Variants in ARAP2 observed in about 807,000 individuals in gnomAD.
ARAP2 encodes arf-GAP with Rho-GAP domain, ANK repeat and PH domain-containing protein 2.
A neutral mutation model predicts 194.5 loss-of-function variants in ARAP2; 148 were observed. The observed-to-expected ratio is 0.76, with a 90% CI of 0.67 to 0.87. The LOEUF (loss-of-function observed/expected upper bound fraction) is 0.87, where lower values mean the gene tolerates loss of function less well. Among genes scored for constraint, ARAP2 ranks in the 40% least tolerant of loss-of-function variants. The probability of loss-of-function intolerance (pLI) is 0.00; values close to 1 mark genes in which losing one functional copy is unlikely to be tolerated. For synonymous variants in ARAP2, 695 were observed against 683.5 expected (o/e 1.02, Z -0.26); for missense variants, 2,128 against 1,989.7 (o/e 1.07, Z -1.32).
chr4:36,089,876 T>A (rs1419424230), intron 28 of ARAP2, among the ~76,000 whole-genome samples: 1 of 152,084 alleles, frequency 6.6e-6, no homozygotes, highest in Non-Finnish European at 1.5e-5. Context: ...AATCTGGGAC[T>A]ATTAGTACAC....
chr4:36,133,527 T>G, intron 19 of ARAP2, 138 bp from the exon 20 acceptor site: 1 of 732,268 alleles, frequency 1.4e-6, no homozygotes, highest in Non-Finnish European at 2.2e-6. Context: ...GAGCTTCCAC[T>G]CAATCCCTCT....
chr4:36,228,775 C>A lies in ARAP2; in HGVS notation c.712G>T (p.Glu238Ter). 2 of 1,614,108 alleles carry A rather than the reference C, an allele frequency of 1.2e-6. No individual in the cohort carries two copies. Among genetic ancestry groups the A allele is most frequent in the Non-Finnish European group, 1.7e-6 (2 of 1,180,012 alleles). The change falls in exon 2 of 33, where the codon GAA becomes TAA. Residue 238 changes from glutamate to a stop codon, truncating the protein, a stop_gained. Transcript: ENST00000303965. LOFTEE classifies it high-confidence loss of function. ...NSGNGTNGLL[E>*]GSPPSPFFKF... ...AAGAATGGGGATGGTGGTGATCCTT[C>A]TAATAAACCATTTGTTCCATTTCCA...
chr4:36,187,601 T>C, intron 7 of ARAP2, 30 bp from the exon 8 acceptor site: 1 of 1,513,660 alleles, frequency 6.6e-7, no homozygotes, highest in South Asian at 1.4e-5. Context: ...AGAGAAGACA[T>C]ATGAAAACGA....
At chr4:36,100,604 G>A (rs897122839) in intron 27 of ARAP2, among the ~76,000 whole-genome samples, 10 of 151,872 alleles carry the variant, frequency 6.6e-5, no homozygotes, top group African/African-American at 2.2e-4. Flanking sequence ...TTGTATAGAT[G>A]TATTTTTTTT....
chr4:36,130,026 A>G (rs946282508), intron 20 of ARAP2, among the ~76,000 whole-genome samples: 4 of 151,850 alleles, frequency 2.6e-5, no homozygotes, highest in African/African-American at 9.7e-5. Context: ...TTCTTTCTCA[A>G]TCAGCACATT....
chr4:36,098,094 A>G (rs1715812851), intron 27 of ARAP2, among the ~76,000 whole-genome samples: 1 of 152,080 alleles, frequency 6.6e-6, no homozygotes, highest in Admixed American at 6.6e-5. Flanking sequence ...TGAAAATCTC[A>G]GTTTTTTAGT....
At chr4:36,213,361 A>G in intron 3 of ARAP2, 42 bp from the exon 4 acceptor site, 1 of 1,359,532 alleles carries the variant, frequency 7.4e-7, no homozygotes. Context: ...AGATGTGAAT[A>G]ATGTGAAATA....
chr4:36,080,596 T>C (rs1324908212), intron 30 of ARAP2, among the ~76,000 whole-genome samples: 1 of 152,200 alleles, frequency 6.6e-6, no homozygotes, highest in Non-Finnish European at 1.5e-5. Context: ...TACCTGATGG[T>C]AAAACACTGT....
intron 19 of ARAP2, among the ~76,000 whole-genome samples, chr4:36,145,936 T>A (rs995021826): frequency 4.6e-5 from 7 of 152,006 alleles, no homozygotes; most frequent in African/African-American, 1.7e-4. Context: ...CACTTAATTT[T>A]AGACATGCGT....
chr4:36,180,738 C>T (rs1180294457), intron 8 of ARAP2, among the ~76,000 whole-genome samples: 3 of 152,204 alleles, frequency 2.0e-5, no homozygotes, highest in African/African-American at 4.8e-5. Context: ...CTGGCAATTG[C>T]ATCTGTTGGA....
chr4:36,157,973 A>G (rs911568477), intron 15 of ARAP2, among the ~76,000 whole-genome samples: 4 of 152,136 alleles, frequency 2.6e-5, no homozygotes, highest in African/African-American at 9.7e-5. Flanking sequence ...ATCAATGGCC[A>G]CCATCAATTG....
chr4:36,142,288 C>T (rs997714565), intron 19 of ARAP2, among the ~76,000 whole-genome samples: 14 of 151,640 alleles, frequency 9.2e-5, no homozygotes, highest in Non-Finnish European at 2.1e-4. Context: ...TTTGTACTCT[C>T]TCTTAGACCT....
chr4:36,169,519 A>G (rs188179363), intron 9 of ARAP2, among the ~76,000 whole-genome samples: 1 of 150,074 alleles, frequency 6.7e-6, no homozygotes, highest in African/African-American at 2.4e-5. Flanking sequence ...TCCCCCAAAC[A>G]AGGCAAAGAT....
chr4:36,188,444 G>A (rs1009579790), intron 7 of ARAP2, among the ~76,000 whole-genome samples: 4 of 152,032 alleles, frequency 2.6e-5, no homozygotes, highest in Admixed American at 2.0e-4. Flanking sequence ...AAGGCTGTGA[G>A]GTATACCTTT....
At chr4:36,223,049 C>T (rs1749508888) in intron 2 of ARAP2, among the ~76,000 whole-genome samples, 1 of 152,002 alleles carries the variant, frequency 6.6e-6, no homozygotes, top group South Asian at 2.1e-4. Context: ...GAAAAAAATA[C>T]CCCAACCATC....
chr4:36,136,507 CTA>C (rs1215300012), intron 19 of ARAP2, among the ~76,000 whole-genome samples: 7 of 151,568 alleles, frequency 4.6e-5, no homozygotes, highest in African/African-American at 1.7e-4. Context: ...ATATTTGAGC[CTA>C]GTCTATGACA....
chr4:36,094,126 G>T (rs1204064260), intron 27 of ARAP2, among the ~76,000 whole-genome samples: 1 of 152,016 alleles, frequency 6.6e-6, no homozygotes, highest in African/African-American at 2.4e-5. Context: ...ATGGCTGCAG[G>T]CCAAATCCAA....
intron 27 of ARAP2, among the ~76,000 whole-genome samples, chr4:36,095,464 G>A (rs1163164352): frequency 2.0e-5 from 3 of 152,088 alleles, no homozygotes; most frequent in Admixed American, 2.0e-4. Context: ...TGATAGAAAA[G>A]GGGATTGAAG....
chr4:36,219,348 C>A (rs887540201), intron 2 of ARAP2, among the ~76,000 whole-genome samples: 1 of 152,170 alleles, frequency 6.6e-6, no homozygotes, highest in Non-Finnish European at 1.5e-5. Flanking sequence ...TAAGAACAAT[C>A]TGACATGCAA....
Sources: allele counts gnomAD v4.1 joint callset (sites outside exome capture counted in the v4.1 genomes callset), GRCh38; gene constraint gnomAD v4.1.1; transcripts MANE v1.5; gene names NCBI Gene and HGNC (gene_info 2026-07-23, HGNC 2026-07-21).